MMP26: variants seen among roughly 807,000 people sequenced by gnomAD.
MMP26 encodes the protein matrix metalloproteinase-26.
MMP26 carries 33 observed loss-of-function variants against 31.0 expected under a neutral mutation model. That is an observed-to-expected ratio of 1.06 (90% confidence interval 0.81 to 1.42). The LOEUF is 1.42. MMP26 is among the 40% of genes most tolerant of loss of function. The pLI, the probability that MMP26 is intolerant of heterozygous loss-of-function variation, is 0.00. For synonymous variants in MMP26, 122 were observed against 114.9 expected, an observed-to-expected ratio of 1.06 and a Z score of -0.40; for missense variants, 347 against 316.1, an observed-to-expected ratio of 1.10 and a Z score of -0.74.
Position 4,852,518 on chromosome 11 carries a change from A to T in MMP26, c.-145+85177A>T, listed in dbSNP as rs367847436. Among the ~76,000 whole-genome samples the T allele has an allele frequency of 4.6e-5, 7 of 152,282 alleles. No individual in the cohort carries two copies. The East Asian group carries it at 9.6e-4, about 21-fold the overall frequency. ...ATTCATTTCTCAAATCAATAACCTA[A>T]GCTTCCTTAAGTATTTACAAAACAA... On this transcript the variant is annotated intron_variant, in intron 2 of 7. Coordinates refer to ENST00000380390, the MANE Select transcript of MMP26 (RefSeq NM_021801.5).
chr11:4,958,739 C>T (rs1264875813), intron 2 of MMP26, among the ~76,000 whole-genome samples: 2 of 152,132 alleles, frequency 1.3e-5, no homozygotes, highest in African/African-American at 4.8e-5. Flanking sequence ...AGTTACGCCT[C>T]TTGAGCTTTT....
At chr11:4,810,985 A>G (rs941527316) in intron 2 of MMP26, among the ~76,000 whole-genome samples, 1 of 152,350 alleles carries the variant, frequency 6.6e-6, no homozygotes. Context: ...TACCAAGGTT[A>G]TCAGGTTTAC....
At position 4,992,030 on chromosome 11, in the gene MMP26, A is replaced by G. The variant is rs767301006; in HGVS notation, c.662A>G (p.Asn221Ser). The G allele has an allele frequency of 3.8e-5, 62 of 1,613,834 alleles. No individual in the cohort carries two copies. Among genetic ancestry groups the G allele is most frequent in the Non-Finnish European group, 5.3e-5 (62 of 1,179,978 alleles). Reference protein sequence around the residue: ...GHSLGLQHSGNQSSIMYPTYW... With the variant: ...GHSLGLQHSGSQSSIMYPTYW... ...TCTTTGGGCCTGCAGCACTCTGGGA[A>G]TCAGAGCTCCATAATGTACCCCACT... is the stretch of plus-strand genomic sequence containing the variant. The change falls in exon 7 of 8, where the codon AAT becomes AGT. Residue 221 changes from asparagine (N) to serine (S), a missense_variant. Physicochemically the swap from Asn to Ser is conservative, Grantham distance 46. Transcript: ENST00000380390.
chr11:4,894,480 T>A (rs1850672863), intron 2 of MMP26, among the ~76,000 whole-genome samples: 1 of 152,188 alleles, frequency 6.6e-6, no homozygotes, highest in South Asian at 2.1e-4. Context: ...GTATGCAATA[T>A]AAATGTTAAG....
intron 2 of MMP26, among the ~76,000 whole-genome samples, chr11:4,974,337 T>A (rs1163613721): frequency 6.7e-6 from 1 of 149,986 alleles, no homozygotes. Context: ...TTTGTAAGAT[T>A]TTTTAAAAGT....
chr11:4,919,444 C>T (rs781405280), intron 2 of MMP26: 1 of 152,152 alleles, frequency 6.6e-6, no homozygotes, highest in Non-Finnish European at 1.5e-5. Flanking sequence ...GATCTTTAAC[C>T]AATTCCCTAG....
chr11:4,727,575 C>A (rs554816186), intron 1 of MMP26, among the ~76,000 whole-genome samples: 133 of 152,160 alleles, frequency 8.7e-4, no homozygotes, highest in African/African-American at 3.0e-3. Flanking sequence ...TTTGGAAGGC[C>A]GAGGCGGGTG....
At chr11:4,855,221 T>C (rs1850033176) in intron 2 of MMP26, among the ~76,000 whole-genome samples, 1 of 152,146 alleles carries the variant, frequency 6.6e-6, no homozygotes, top group Admixed American at 6.5e-5. Flanking sequence ...AGAAGGACTT[T>C]GACGAGTTGA....
At position 4,988,153 on chromosome 11, in the gene MMP26, G is replaced by A; in HGVS notation, c.-59G>A. The A allele has an allele frequency of 6.8e-7, 1 of 1,461,992 alleles. No homozygotes were observed. Among genetic ancestry groups the A allele is most frequent in the South Asian group, 1.1e-5 (1 of 87,904 alleles). The allele number at this position is 1,461,992 out of a possible 1,614,324, so 90.6% of individuals were successfully genotyped here. A position where few individuals can be genotyped will look rare whatever the true frequency, so the allele number is the denominator to read the frequency against. On this transcript the variant is annotated 5_prime_UTR_variant, in exon 3 of 8. Coordinates refer to ENST00000380390, the MANE Select transcript of MMP26 (RefSeq NM_021801.5). ...TGGATGTTGCTGGCACAGCTATAAA[G>A]ATCCAGTGGCCCAAGTTGTGTACCT... is the stretch of plus-strand genomic sequence containing the variant.
intron 2 of MMP26, among the ~76,000 whole-genome samples, chr11:4,783,879 C>T (rs190760552): frequency 1.0e-3 from 159 of 152,264 alleles, no homozygotes; most frequent in African/African-American, 3.3e-3. Flanking sequence ...ACTTGCTCCT[C>T]GTCTTCCACT....
chr11:4,789,281 G>C (rs1472971389), intron 2 of MMP26, among the ~76,000 whole-genome samples: 1 of 152,070 alleles, frequency 6.6e-6, no homozygotes, highest in Middle Eastern at 3.2e-3. Context: ...TGTTTCTAAA[G>C]CCTCTTCTCT....
At chr11:4,864,321 T>A (rs904926996) in intron 2 of MMP26, among the ~76,000 whole-genome samples, 1 of 152,208 alleles carries the variant, frequency 6.6e-6, no homozygotes, top group Non-Finnish European at 1.5e-5. Flanking sequence ...AACAGCTGGT[T>A]ACTCGAGCCT....
In MMP26 at chr11:4,759,437, G is replaced by A. The variant is rs558313400; in HGVS notation, c.-216-7833G>A. On this transcript the variant is annotated intron_variant, in intron 1 of 7. Coordinates refer to ENST00000380390, the MANE Select transcript of MMP26 (RefSeq NM_021801.5). Reference sequence around the variant, plus strand: ...TGACAATAGCCACTGTTGCTAGTGTGCATGTCATGTGTCCATATATATAAA... The same window carrying A: ...TGACAATAGCCACTGTTGCTAGTGTACATGTCATGTGTCCATATATATAAA... Among the ~76,000 whole-genome samples, 15 of 152,176 alleles carry A rather than the reference G, an allele frequency of 9.9e-5. No homozygotes were observed. The East Asian group carries it at 2.9e-3, about 29-fold the overall frequency.
At chr11:4,894,157 A>G (rs1445392707) in intron 2 of MMP26, among the ~76,000 whole-genome samples, 2 of 151,928 alleles carry the variant, frequency 1.3e-5, no homozygotes, top group Non-Finnish European at 2.9e-5. Flanking sequence ...TTAAAAGAGA[A>G]AACAGAAAAA....
At chr11:4,979,414 A>T (rs1846783196) in intron 2 of MMP26, among the ~76,000 whole-genome samples, 1 of 152,164 alleles carries the variant, frequency 6.6e-6, no homozygotes, top group Non-Finnish European at 1.5e-5. Flanking sequence ...CTGGTGAAAA[A>T]TGAACATCGT....
At chr11:4,750,007 G>A (rs992573376) in intron 1 of MMP26, among the ~76,000 whole-genome samples, 1 of 152,038 alleles carries the variant, frequency 6.6e-6, no homozygotes, top group African/African-American at 2.4e-5. Context: ...TTGCAGAAGG[G>A]GAGAAAATAT....
At chr11:4,803,374 C>A in intron 2 of MMP26, 2 of 1,153,872 alleles carry the variant, frequency 1.7e-6, no homozygotes, top group South Asian at 1.5e-5. Flanking sequence ...GTCAAATGTT[C>A]ATTAATGTCC....
At chr11:4,974,756 C>T (rs914844292) in intron 2 of MMP26, among the ~76,000 whole-genome samples, 37 of 152,010 alleles carry the variant, frequency 2.4e-4, no homozygotes, top group African/African-American at 8.2e-4. Context: ...ACATGTACGC[C>T]ACAGAATATT....
intron 2 of MMP26, among the ~76,000 whole-genome samples, chr11:4,788,166 A>T (rs1848973957): frequency 6.6e-6 from 1 of 152,130 alleles, no homozygotes; most frequent in South Asian, 2.1e-4. Flanking sequence ...TGAAGAAGGG[A>T]CACTATGACC....
Sources: allele counts gnomAD v4.1 joint callset (sites outside exome capture counted in the v4.1 genomes callset), GRCh38; gene constraint gnomAD v4.1.1; transcripts MANE v1.5; gene names NCBI Gene and HGNC (gene_info 2026-07-23, HGNC 2026-07-21).